Variants in SUGP1 observed in about 807,000 individuals in gnomAD.
The protein encoded by SUGP1 is SURP and G-patch domain containing 1, also known as SURP and G-patch domain-containing protein 1.
SUGP1 carries 34 observed loss-of-function variants against 76.5 expected under a neutral mutation model. The observed-to-expected ratio is 0.44, with a 90% CI of 0.34 to 0.59. SUGP1 has a LOEUF of 0.59. SUGP1 is among the 20% of genes least tolerant of loss of function. The probability of loss-of-function intolerance (pLI) is 0.01; values close to 1 mark genes in which losing one functional copy is unlikely to be tolerated. For missense variants in SUGP1, 752 were observed against 851.7 expected (o/e 0.88, Z 1.46); for synonymous variants, 326 against 326.2 (o/e 1.00, Z 0.01).
intron 8 of SUGP1, among the ~76,000 whole-genome samples, chr19:19,294,231 TG>T (rs1023492894): frequency 1.4e-4 from 21 of 146,796 alleles, no homozygotes; most frequent in African/African-American, 5.1e-4. Context: ...TAACTCAAAA[TG>T]GACCAAAAAC....
rs1255700024 is a variant in SUGP1 at position 19,319,726 on chromosome 19, A to AAAAG, written c.34+733_34+736dup. ...TGTCTCAAAAAAAAAAAAAAAAAAA[A>AAAAG]AAAGAAAGAAAGAAAGAAAAGGTCT... On this transcript the variant is annotated intron_variant, in intron 1 of 13. Coordinates refer to ENST00000247001, the MANE Select transcript of SUGP1 (RefSeq NM_172231.4). 1.0e-3 allele frequency among the ~76,000 whole-genome samples: 148 copies of AAAAG among 147,388 alleles called. 2 individuals carry two copies. Among genetic ancestry groups the AAAAG allele is most frequent in the Middle Eastern group, 3.4e-3 (1 of 290 alleles).
chr19:19,291,478 A>T (rs1599852962), intron 8 of SUGP1, among the ~76,000 whole-genome samples: 1 of 152,206 alleles, frequency 6.6e-6, no homozygotes, highest in African/African-American at 2.4e-5. Flanking sequence ...ACTGTGCCCC[A>T]ACAAATTAGA....
chr19:19,293,235 T>C (rs780222659), intron 8 of SUGP1, among the ~76,000 whole-genome samples: 1 of 151,054 alleles, frequency 6.6e-6, no homozygotes, highest in Non-Finnish European at 1.5e-5. Flanking sequence ...AGAAAAAGCA[T>C]CTGACAAAAA....
At chr19:19,288,849 G>C (rs148447990) in intron 8 of SUGP1, among the ~76,000 whole-genome samples, 8 of 151,920 alleles carry the variant, frequency 5.3e-5, no homozygotes, top group African/African-American at 1.5e-4. Context: ...GCAGTGGCGC[G>C]ATCTCAGCTC....
At chr19:19,277,249 G>A (rs533246817) in intron 12 of SUGP1, among the ~76,000 whole-genome samples, 173 bp from the exon 13 acceptor site, 1 of 140,036 alleles carries the variant, frequency 7.1e-6, no homozygotes, top group African/African-American at 2.8e-5. Flanking sequence ...CCCCGGGGCG[G>A]GCGGGGGGGG....
Position 19,276,045 on chromosome 19 carries a change from T to G in SUGP1, c.*603A>C. ...CCTTTAGCCCAGGTGTGGCCAAGTCTCCAGCTTTATTATTATTATTATTAT... is the reference window on the plus strand; with the variant it reads ...CCTTTAGCCCAGGTGTGGCCAAGTCGCCAGCTTTATTATTATTATTATTAT... On this transcript the variant is annotated 3_prime_UTR_variant, in exon 14 of 14. Transcript: ENST00000247001. 6.5e-6 allele frequency: 1 copy of G among 153,548 alleles called. No homozygotes were observed. The highest frequency in any genetic ancestry group is 1.5e-5 in the Non-Finnish European group (1 of 68,884). 9.5% of individuals were successfully genotyped at this position (153,548 alleles called of 1,614,324 possible). A position where few individuals can be genotyped will look rare whatever the true frequency, so the allele number is the denominator to read the frequency against.
In SUGP1 at chr19:19,302,280, T is replaced by A. The variant is rs2146615000; in HGVS notation, c.872A>T (p.Glu291Val). Reference sequence around the variant, plus strand: ...CCCCCCTTACCTGAATGCCTGGTTCTCACGGTTGTTCTGGAGGGCAATGGT... The same window carrying A: ...CCCCCCTTACCTGAATGCCTGGTTCACACGGTTGTTCTGGAGGGCAATGGT... ...VETIALQNNR[E>V]NQAFSFLYEP... The change falls in exon 7 of 14, where the codon GAG becomes GTG. Residue 291 changes from glutamate to valine, a missense_variant. Transcript: ENST00000247001. 6.2e-7 allele frequency: 1 copy of A among 1,614,188 alleles called. No homozygotes were observed. The highest frequency in any genetic ancestry group is 2.2e-5 in the East Asian group (1 of 44,884).
At chr19:19,320,408 G>T in intron 1 of SUGP1, 55 bp downstream of exon 1, 2 of 1,591,248 alleles carry the variant, frequency 1.3e-6, no homozygotes, top group Non-Finnish European at 1.7e-6. Flanking sequence ...AGTCAGGGGA[G>T]ACACCTAGCC....
rs753435631 is a variant in SUGP1, at chr19:19,279,447, C to T, written c.1351-57G>A. The T allele has an allele frequency of 2.5e-5, 38 of 1,497,570 alleles. No homozygotes were observed. In the East Asian group the frequency reaches 3.6e-4, roughly 14 times the overall value. 92.8% of individuals were successfully genotyped at this position (1,497,570 alleles called of 1,614,324 possible). ...ACGGTGCTGTGGCCTGCCGGAGCCC[C>T]GCTCCTGCTCCCCGCCTCCAGTGCT... On this transcript the variant is annotated intron_variant, in intron 9 of 13. Transcript: ENST00000247001.
chr19:19,281,072 T>C (rs1331392065), intron 8 of SUGP1: 1 of 152,286 alleles, frequency 6.6e-6, no homozygotes, highest in African/African-American at 2.4e-5. Flanking sequence ...CTTCCTTGGT[T>C]TACAGGGCAC....
chr19:19,312,894 G>T (rs912084868), intron 2 of SUGP1, among the ~76,000 whole-genome samples: 7 of 151,540 alleles, frequency 4.6e-5, no homozygotes, highest in Non-Finnish European at 8.8e-5. Context: ...GGAGGCTGAG[G>T]CAGGAGAATG....
At chr19:19,296,724 C>T (rs1230046265) in intron 8 of SUGP1, among the ~76,000 whole-genome samples, 3 of 151,934 alleles carry the variant, frequency 2.0e-5, no homozygotes. Flanking sequence ...CTAGGTATAC[C>T]GACAAGAGAA....
At chr19:19,284,765 A>G (rs2061126147) in intron 8 of SUGP1, among the ~76,000 whole-genome samples, 1 of 152,258 alleles carries the variant, frequency 6.6e-6, no homozygotes, top group Non-Finnish European at 1.5e-5. Flanking sequence ...AGAAGATGTC[A>G]GGATAACAGG....
chr19:19,277,255 G>GA (rs1338921772), intron 12 of SUGP1, among the ~76,000 whole-genome samples, 179 bp from the exon 13 acceptor site: 2 of 150,650 alleles, frequency 1.3e-5, no homozygotes, highest in African/African-American at 4.9e-5. Context: ...GGCGGGCGGG[G>GA]GGGGGGGGCC....
intron 1 of SUGP1, 50 bp downstream of exon 1, chr19:19,320,413 C>T (rs1256628287): frequency 1.4e-5 from 23 of 1,600,142 alleles, no homozygotes; most frequent in East Asian, 2.2e-5. Flanking sequence ...GGGGAGACAC[C>T]TAGCCCCAGG....
At chr19:19,285,986 C>T (rs1233490589) in intron 8 of SUGP1, among the ~76,000 whole-genome samples, 1 of 152,202 alleles carries the variant, frequency 6.6e-6, no homozygotes, top group African/African-American at 2.4e-5. Context: ...AAAAGATAAA[C>T]ACCAGCTGCC....
intron 9 of SUGP1, 73 bp downstream of exon 9, chr19:19,280,112 T>C: frequency 7.0e-7 from 1 of 1,424,372 alleles, no homozygotes; most frequent in Non-Finnish European, 9.8e-7. Context: ...CTGTGACCGC[T>C]GCACCCGGGG....
rs1190038239 is a variant in SUGP1 at position 19,303,763 on chromosome 19, T to G, written c.623A>C (p.Lys208Thr). 6.2e-7 allele frequency: 1 copy of G among 1,614,202 alleles called. No homozygotes were observed. The highest frequency in any genetic ancestry group is 1.7e-5 in the Admixed American group (1 of 60,012). The change falls in exon 5 of 14, where the codon AAA becomes ACA. Residue 208 changes from lysine to threonine, a missense_variant. Coordinates refer to ENST00000247001, the MANE Select transcript of SUGP1 (RefSeq NM_172231.4). ...FVAEGGPELE[K>T]VAMEDYKDNP... ...ATCCTTGTAGTCCTCCATAGCTACTTTTTCTAACTCGGGGCCTCCTTCTGC... is the reference window on the plus strand; with the variant it reads ...ATCCTTGTAGTCCTCCATAGCTACTGTTTCTAACTCGGGGCCTCCTTCTGC...
rs367865927 is a variant in SUGP1, at chr19:19,320,449, G to A, written c.34+14C>T. 1.2e-6 allele frequency: 2 copies of A among 1,609,950 alleles called. No individual in the cohort carries two copies. The highest frequency in any genetic ancestry group is 2.7e-5 in the African/African-American group (2 of 74,758). ...GACCCAGGCGGCCGCCTGAGAGGAG[G>A]CGGGGGCTGTTACCTGCAACATCCC... On this transcript the variant is annotated intron_variant, in intron 1 of 13. Transcript: ENST00000247001.
Sources: gnomAD v4.1 joint callset for allele counts (sites outside exome capture counted in the v4.1 genomes callset) on GRCh38, gnomAD v4.1.1 for gene constraint, MANE v1.5 for transcripts, NCBI Gene and HGNC (gene_info 2026-07-23, HGNC 2026-07-21) for gene names.